TENM3: variants seen among roughly 807,000 people sequenced by gnomAD.
TENM3 encodes the protein teneurin transmembrane protein 3.
In TENM3, 63 loss-of-function variants were observed where a neutral mutation model predicts 255.1. The observed-to-expected ratio is 0.25, with a 90% CI of 0.20 to 0.30. The LOEUF is 0.30. TENM3 is among the 10% of genes least tolerant of loss of function. The pLI is 1.00. For missense variants in TENM3, 2,929 were observed against 3,461.1 expected (o/e 0.85, Z 3.86); for synonymous variants, 1,306 against 1,322.3 (o/e 0.99, Z 0.27).
the TENM3 span, among the ~76,000 whole-genome samples, chr4:181,901,183 C>CA: frequency 6.6e-5 from 10 of 151,368 alleles, no homozygotes; most frequent in East Asian, 3.9e-4. Flanking sequence ...ACCTCTGTAC[C>CA]AAAAAAAATA....
chr4:181,464,379 T>A, the TENM3 span, among the ~76,000 whole-genome samples: 6 of 152,336 alleles, frequency 3.9e-5, no homozygotes, highest in South Asian at 1.2e-3. Flanking sequence ...TTGTTTTCAT[T>A]TGCCTTTACC....
At chr4:182,015,253 A>G in the TENM3 span, among the ~76,000 whole-genome samples, 1 of 152,182 alleles carries the variant, frequency 6.6e-6, no homozygotes, top group African/African-American at 2.4e-5. Flanking sequence ...CCCTGCTCCC[A>G]CAAAGGCCGT....
intron 24 of TENM3, among the ~76,000 whole-genome samples, chr4:182,777,836 C>CAT (rs199749023): frequency 0.11 from 16,049 of 139,596 alleles, 1,046 homozygotes; most frequent in Admixed American, 0.17. Flanking sequence ...AGGAATACAG[C>CAT]ATATATATAT....
chr4:182,230,930 G>A (rs1265322426), intron 1 of TENM3, among the ~76,000 whole-genome samples: 2 of 147,696 alleles, frequency 1.4e-5, no homozygotes, highest in Non-Finnish European at 3.0e-5. Context: ...CGGAGTGGGT[G>A]CAGCCCTGCC....
chr4:182,044,087 T>C, the TENM3 span, among the ~76,000 whole-genome samples: 1 of 152,178 alleles, frequency 6.6e-6, no homozygotes, highest in Non-Finnish European at 1.5e-5. Context: ...TATGTGATGG[T>C]TGCAGCTATG....
chr4:181,698,139 G>A, the TENM3 span, among the ~76,000 whole-genome samples: 5 of 151,472 alleles, frequency 3.3e-5, no homozygotes, highest in African/African-American at 7.3e-5. Context: ...GCTTGAAACC[G>A]GGAGGCGGAG....
chr4:181,692,268 T>C, the TENM3 span, among the ~76,000 whole-genome samples: 1 of 152,208 alleles, frequency 6.6e-6, no homozygotes, highest in East Asian at 1.9e-4. Context: ...GAGTCACTGT[T>C]GAATAAGCGT....
chr4:181,623,806 A>G, the TENM3 span, among the ~76,000 whole-genome samples: 1 of 152,212 alleles, frequency 6.6e-6, no homozygotes, highest in Non-Finnish European at 1.5e-5. Context: ...AGAAATCTTC[A>G]TTCAGATATT....
the TENM3 span, among the ~76,000 whole-genome samples, chr4:181,458,333 G>T: frequency 6.6e-6 from 1 of 151,884 alleles, no homozygotes; most frequent in Non-Finnish European, 1.5e-5. Context: ...CAGTGAATCA[G>T]TGTAGATATT....
chr4:182,588,230 TTTAG>T (rs1560966823), intron 3 of TENM3, among the ~76,000 whole-genome samples: 1 of 152,200 alleles, frequency 6.6e-6, no homozygotes, highest in Non-Finnish European at 1.5e-5. Flanking sequence ...TATAGTTAGG[TTTAG>T]TTAGAGTAAG....
chr4:181,995,537 G>A, the TENM3 span, among the ~76,000 whole-genome samples: 1 of 152,118 alleles, frequency 6.6e-6, no homozygotes, highest in Non-Finnish European at 1.5e-5. Flanking sequence ...GCATTTACAT[G>A]GGAGTTGGTT....
the TENM3 span, among the ~76,000 whole-genome samples, chr4:181,937,956 A>G: frequency 6.6e-6 from 1 of 152,122 alleles, no homozygotes; most frequent in African/African-American, 2.4e-5. Flanking sequence ...TCCCTTTTCC[A>G]TCCAAGGCTC....
At chr4:181,745,392 G>T in the TENM3 span, among the ~76,000 whole-genome samples, 4 of 152,222 alleles carry the variant, frequency 2.6e-5, no homozygotes, top group South Asian at 8.3e-4. Context: ...AAAATGAAAT[G>T]GTAGCTGTAG....
chr4:182,574,372 T>C (rs1464605809), intron 3 of TENM3, among the ~76,000 whole-genome samples: 1 of 152,138 alleles, frequency 6.6e-6, no homozygotes, highest in Non-Finnish European at 1.5e-5. Context: ...GGCTTACTTA[T>C]GGATTGCTGT....
At chr4:181,821,541 A>C in the TENM3 span, 1 of 152,208 alleles carries the variant, frequency 6.6e-6, no homozygotes, top group Non-Finnish European at 1.5e-5. Flanking sequence ...GCATTTGTGG[A>C]ATATATGAAC....
intron 3 of TENM3, among the ~76,000 whole-genome samples, chr4:182,456,990 C>T (rs555840741): frequency 1.1e-4 from 17 of 152,100 alleles, no homozygotes; most frequent in Non-Finnish European, 2.4e-4. Flanking sequence ...CAAGACCAGC[C>T]TGGCCAACAT....
At chr4:182,711,195 GTT>G (rs1487642882) in intron 12 of TENM3, among the ~76,000 whole-genome samples, 4 of 152,008 alleles carry the variant, frequency 2.6e-5, no homozygotes, top group African/African-American at 9.7e-5. Flanking sequence ...AACTTTTAAA[GTT>G]TCATTATTTG....
intron 5 of TENM3, 109 bp from the exon 6 acceptor site, chr4:182,653,662 A>G: frequency 8.0e-7 from 1 of 1,245,330 alleles, no homozygotes; most frequent in Non-Finnish European, 1.1e-6. Flanking sequence ...GTATTTCAGA[A>G]AATGGAAATT....
At chr4:181,912,712 C>T in the TENM3 span, among the ~76,000 whole-genome samples, 1 of 144,088 alleles carries the variant, frequency 6.9e-6, no homozygotes, top group Non-Finnish European at 1.5e-5. Context: ...GTGGAGGTTG[C>T]AATGATCTGA....
Sources: gnomAD v4.1 joint callset for allele counts (sites outside exome capture counted in the v4.1 genomes callset) on GRCh38, gnomAD v4.1.1 for gene constraint, MANE v1.5 for transcripts, NCBI Gene and HGNC (gene_info 2026-07-23, HGNC 2026-07-21) for gene names.